The following CD200R1L variants were observed in gnomAD, a reference collection of about 807,000 sequenced individuals.
CD200R1L encodes CD200 receptor 1 like, also known as cell surface glycoprotein CD200 receptor 2.
A neutral mutation model predicts 24.8 loss-of-function variants in CD200R1L; 14 were observed. The observed-to-expected ratio is 0.56, with a 90% confidence interval of 0.37 to 0.88. The LOEUF (loss-of-function observed/expected upper bound fraction) is 0.88. Ranked by LOEUF, CD200R1L falls within the 40% of genes least tolerant of loss-of-function variation. The pLI, the probability that CD200R1L is intolerant of heterozygous loss-of-function variation, is 0.00. For synonymous variants in CD200R1L, 111 were observed against 109.2 expected (o/e 1.02, Z -0.11); for missense variants, 299 against 297.8 (o/e 1.00, Z -0.03).
At chr3:112,826,911 C>G in intron 6 of CD200R1L, 82 bp downstream of exon 6, 1 of 1,470,666 alleles carries the variant, frequency 6.8e-7, no homozygotes, top group Non-Finnish European at 9.1e-7. Flanking sequence ...ATTTTCTTAC[C>G]TGCTGTTTGG....
intron 2 of CD200R1L, chr3:112,841,443 C>G (rs534027613): frequency 4.9e-4 from 137 of 279,420 alleles, no homozygotes; most frequent in African/African-American, 3.0e-3. Context: ...TACATGGTTA[C>G]TTAATGCCCA....
chr3:112,838,887 G>A (rs1334939637), intron 2 of CD200R1L, among the ~76,000 whole-genome samples: 2 of 152,136 alleles, frequency 1.3e-5, no homozygotes, highest in Non-Finnish European at 2.9e-5. Flanking sequence ...AAGGCCTTAA[G>A]AGAAAAAGTG....
intron 3 of CD200R1L, among the ~76,000 whole-genome samples, chr3:112,831,937 T>C (rs147253637): frequency 3.3e-5 from 5 of 152,298 alleles, no homozygotes; most frequent in African/African-American, 1.2e-4. Context: ...AACAGTTCAA[T>C]TGCACTATCA....
intron 4 of CD200R1L, among the ~76,000 whole-genome samples, chr3:112,828,654 G>A (rs1421396828): frequency 6.6e-6 from 1 of 152,040 alleles, no homozygotes; most frequent in Non-Finnish European, 1.5e-5. Flanking sequence ...CAATTCTCAG[G>A]TGTAAATGTA....
intron 2 of CD200R1L, among the ~76,000 whole-genome samples, chr3:112,840,370 T>C (rs1453934698): frequency 2.0e-5 from 3 of 152,206 alleles, no homozygotes; most frequent in African/African-American, 7.2e-5. Context: ...AGAACAGGCA[T>C]GTTCACATGG....
At chr3:112,843,932 G>C (rs146007324) in intron 2 of CD200R1L, among the ~76,000 whole-genome samples, 1 of 151,942 alleles carries the variant, frequency 6.6e-6, no homozygotes, top group African/African-American at 2.4e-5. Context: ...GAATTTAAAC[G>C]AACAACAATA....
intron 6 of CD200R1L, among the ~76,000 whole-genome samples, chr3:112,821,896 C>T (rs985560305): frequency 9.9e-5 from 15 of 152,008 alleles, no homozygotes; most frequent in Admixed American, 6.6e-4. Flanking sequence ...TGCTGGTCTG[C>T]GGGATTGAAT....
At chr3:112,836,228 G>A (rs1024207658) in intron 3 of CD200R1L, among the ~76,000 whole-genome samples, 10 of 152,126 alleles carry the variant, frequency 6.6e-5, no homozygotes, top group East Asian at 1.9e-4. Flanking sequence ...TCCCATCACC[G>A]CCACTGCTGC....
At position 112,829,338 on chromosome 3, in the gene CD200R1L, A is replaced by G. The variant is rs769956597; in HGVS notation, c.30T>C (p.Tyr10=). ...TATTACCTTCTGCAAAAATTGTTGA[A>G]TAGTTCTGTGTCATCTGCTTTCCAC... MGGKQMTQN[Y]STIFAEGNIS... is the part of the protein sequence containing the mutation. The change falls in exon 4 of 8, where the codon TAT becomes TAC. Residue 10 remains tyrosine (Y), a synonymous_variant. Transcript: ENST00000488794. 10 of 1,614,024 alleles carry G rather than the reference A, an allele frequency of 6.2e-6. No individual in the cohort carries two copies. The East Asian group carries it at 2.0e-4, about 32-fold the overall frequency.
intron 3 of CD200R1L, 69 bp from the exon 4 acceptor site, chr3:112,829,453 C>T (rs1041545655): frequency 4.9e-6 from 7 of 1,424,176 alleles, no homozygotes; most frequent in Non-Finnish European, 6.9e-6. Context: ...AAGTGTTTCC[C>T]CACAGTCTTA....
At chr3:112,835,303 G>T (rs1938911738) in intron 3 of CD200R1L, among the ~76,000 whole-genome samples, 1 of 152,132 alleles carries the variant, frequency 6.6e-6, no homozygotes, top group African/African-American at 2.4e-5. Context: ...ACCCTAGAGT[G>T]GGTAGCTCCT....
chr3:112,823,252 TAA>T (rs1216313440), intron 6 of CD200R1L, among the ~76,000 whole-genome samples: 1 of 152,252 alleles, frequency 6.6e-6, no homozygotes, highest in Non-Finnish European at 1.5e-5. Flanking sequence ...TAAACTCTTT[TAA>T]ACTGGATTCT....
intron 6 of CD200R1L, 143 bp downstream of exon 6, chr3:112,826,850 G>A (rs571553818): frequency 3.7e-4 from 336 of 913,914 alleles, no homozygotes; most frequent in Admixed American, 5.5e-4. Flanking sequence ...AGATTCTAGC[G>A]TTGTAATGCA....
intron 7 of CD200R1L, 84 bp downstream of exon 7, chr3:112,819,688 C>T (rs1368934099): frequency 7.1e-7 from 1 of 1,408,550 alleles, no homozygotes; most frequent in Non-Finnish European, 9.4e-7. Context: ...TCAAGCTTTT[C>T]CCAGTACATT....
chr3:112,841,052 A>C (rs62263728), intron 2 of CD200R1L, among the ~76,000 whole-genome samples: 2,300 of 152,278 alleles, frequency 0.015, 50 homozygotes, highest in Non-Finnish European at 0.017. Context: ...GAAAAGAGGA[A>C]AAATATATTG....
At chr3:112,822,761 A>G (rs140205827) in intron 6 of CD200R1L, among the ~76,000 whole-genome samples, 1 of 152,352 alleles carries the variant, frequency 6.6e-6, no homozygotes, top group East Asian at 1.9e-4. Context: ...GCCTTAACGG[A>G]ATGTGATTAT....
chr3:112,825,918 G>GC (rs1559921812), intron 6 of CD200R1L, among the ~76,000 whole-genome samples: 1 of 152,118 alleles, frequency 6.6e-6, no homozygotes, highest in African/African-American at 2.4e-5. Context: ...GAAGTAAGAG[G>GC]CTAGACTTGA....
chr3:112,828,588 C>T (rs549197829), intron 4 of CD200R1L, among the ~76,000 whole-genome samples: 2 of 152,236 alleles, frequency 1.3e-5, no homozygotes, highest in South Asian at 4.2e-4. Flanking sequence ...CACATACAAC[C>T]CCAGAGAGTT....
At chr3:112,840,410 G>C (rs1939050578) in intron 2 of CD200R1L, among the ~76,000 whole-genome samples, 1 of 152,182 alleles carries the variant, frequency 6.6e-6, no homozygotes, top group African/African-American at 2.4e-5. Context: ...TTGTGGGTGG[G>C]AGATGCTACA....
Sources: allele counts gnomAD v4.1 joint callset (sites outside exome capture counted in the v4.1 genomes callset), GRCh38; gene constraint gnomAD v4.1.1; transcripts MANE v1.5; gene names NCBI Gene and HGNC (gene_info 2026-07-23, HGNC 2026-07-21).